Variants in B3GALT1 observed in about 807,000 individuals in gnomAD.
The protein encoded by B3GALT1 is beta-1,3-galactosyltransferase 1.
Under a neutral mutation model 23.2 loss-of-function variants are expected in B3GALT1, and 10 were observed. The observed-to-expected ratio is 0.43, with a 90% CI of 0.27 to 0.73. The LOEUF (loss-of-function observed/expected upper bound fraction) is 0.73, where lower values mean the gene tolerates loss of function less well. B3GALT1 is among the 30% of genes least tolerant of loss of function. The pLI is 0.21. For synonymous variants in B3GALT1, 156 were observed against 141.5 expected (o/e 1.10, Z -0.73); for missense variants, 299 against 405.4 (o/e 0.74, Z 2.25).
intron 3 of B3GALT1, among the ~76,000 whole-genome samples, chr2:167,801,336 T>A (rs1688635146): frequency 1.3e-5 from 2 of 152,182 alleles, no homozygotes; most frequent in South Asian, 2.1e-4. Context: ...AGAAAAAAAA[T>A]GTGAATCTTC....
chr2:167,370,904 C>T (rs749215007), intron 1 of B3GALT1, among the ~76,000 whole-genome samples: 11 of 152,058 alleles, frequency 7.2e-5, no homozygotes, highest in East Asian at 1.9e-4. Flanking sequence ...CCAGCCTGGG[C>T]GACAGTGCGA....
intron 1 of B3GALT1, among the ~76,000 whole-genome samples, chr2:167,309,747 G>A (rs1284193125): frequency 2.0e-5 from 3 of 151,954 alleles, no homozygotes; most frequent in Admixed American, 6.6e-5. Flanking sequence ...ATACATATTT[G>A]ACAAAGTTAA....
At chr2:167,393,000 C>T (rs530325763) in intron 1 of B3GALT1, among the ~76,000 whole-genome samples, 7 of 151,986 alleles carry the variant, frequency 4.6e-5, no homozygotes, top group South Asian at 4.2e-4. Flanking sequence ...TTTGGGAGGC[C>T]GAGGCGGGTG....
intron 2 of B3GALT1, among the ~76,000 whole-genome samples, chr2:167,633,817 C>T (rs1685502236): frequency 6.6e-6 from 1 of 152,038 alleles, no homozygotes; most frequent in South Asian, 2.1e-4. Flanking sequence ...ATATTCAGGA[C>T]TTGAACTCAG....
intron 1 of B3GALT1, among the ~76,000 whole-genome samples, chr2:167,374,957 TA>T (rs1437055715): frequency 1.3e-5 from 2 of 152,156 alleles, no homozygotes; most frequent in African/African-American, 4.8e-5. Flanking sequence ...CTAGAATTCT[TA>T]TAGTTTGAGG....
chr2:167,413,523 C>T (rs1436096036), intron 1 of B3GALT1, among the ~76,000 whole-genome samples: 2 of 151,792 alleles, frequency 1.3e-5, no homozygotes, highest in African/African-American at 4.8e-5. Context: ...TCAGTTAATC[C>T]TATATATTTT....
intron 2 of B3GALT1, among the ~76,000 whole-genome samples, chr2:167,527,609 T>C (rs1683243929): frequency 6.6e-6 from 1 of 152,164 alleles, no homozygotes; most frequent in Non-Finnish European, 1.5e-5. Flanking sequence ...AAACTTTATT[T>C]TCAAACTTGT....
chr2:167,558,534 A>G (rs924068127), intron 2 of B3GALT1, among the ~76,000 whole-genome samples: 1 of 152,232 alleles, frequency 6.6e-6, no homozygotes, highest in Admixed American at 6.5e-5. Flanking sequence ...AGAAGGGGTC[A>G]GGGAGTTCCC....
At chr2:167,690,292 A>G (rs1049706446) in intron 3 of B3GALT1, among the ~76,000 whole-genome samples, 3 of 152,082 alleles carry the variant, frequency 2.0e-5, no homozygotes, top group African/African-American at 7.2e-5. Context: ...ACTATAAAAT[A>G]TAAATGCTAA....
intron 3 of B3GALT1, among the ~76,000 whole-genome samples, chr2:167,807,823 T>C (rs1427406794): frequency 6.6e-6 from 1 of 152,240 alleles, no homozygotes. Context: ...TGTAGATATC[T>C]ATTAGGTCTG....
At chr2:167,787,993 T>C (rs1688371366) in intron 3 of B3GALT1, among the ~76,000 whole-genome samples, 1 of 152,160 alleles carries the variant, frequency 6.6e-6, no homozygotes, top group South Asian at 2.1e-4. Flanking sequence ...AGGTTGGACC[T>C]TGCTGTCTTA....
intron 3 of B3GALT1, among the ~76,000 whole-genome samples, chr2:167,771,521 A>G (rs1419492642): frequency 6.6e-6 from 1 of 152,246 alleles, no homozygotes; most frequent in Non-Finnish European, 1.5e-5. Flanking sequence ...CAGTGAGCCG[A>G]GATCGCGCCA....
intron 3 of B3GALT1, among the ~76,000 whole-genome samples, chr2:167,724,428 T>A (rs1264873361): frequency 6.6e-6 from 1 of 152,204 alleles, no homozygotes; most frequent in Non-Finnish European, 1.5e-5. Context: ...CTTTAAGCTA[T>A]TATTAAAGGA....
At chr2:167,565,579 A>C (rs1206975404) in intron 2 of B3GALT1, among the ~76,000 whole-genome samples, 2 of 152,226 alleles carry the variant, frequency 1.3e-5, no homozygotes, top group African/African-American at 2.4e-5. Context: ...CAACCTACAA[A>C]ATGGGAGACA....
chr2:167,685,828 G>A (rs1686609833), intron 3 of B3GALT1, among the ~76,000 whole-genome samples: 1 of 152,178 alleles, frequency 6.6e-6, no homozygotes, highest in Non-Finnish European at 1.5e-5. Context: ...TTAGAGGAAG[G>A]AGCCGAAAGG....
In B3GALT1 at chr2:167,541,740, A is replaced by G. The variant is rs139684630; in HGVS notation, c.-410+51463A>G. ...GTCCTCCATGAATACCTTTCAGCTC[A>G]CCCCAAACTCCCAACAGTGGCCACA... On this transcript the variant is annotated intron_variant, in intron 2 of 4. Coordinates refer to ENST00000392690, the MANE Select transcript of B3GALT1 (RefSeq NM_020981.4). Among the ~76,000 whole-genome samples, 836 of 152,186 alleles carry G rather than the reference A, an allele frequency of 5.5e-3. 11 individuals carry two copies. Among genetic ancestry groups the G allele is most frequent in the African/African-American group, 0.019 (798 of 41,520 alleles).
At chr2:167,341,488 C>A (rs113385984) in intron 1 of B3GALT1, among the ~76,000 whole-genome samples, 2,505 of 152,136 alleles carry the variant, frequency 0.016, 56 homozygotes, top group East Asian at 0.082. Flanking sequence ...GTGGCGAAAC[C>A]CTGTCTCTAC....
chr2:167,411,377 CCAAA>C (rs1698388394), intron 1 of B3GALT1, among the ~76,000 whole-genome samples: 1 of 11,804 alleles, frequency 8.5e-5, no homozygotes, highest in African/African-American at 2.0e-4. Context: ...AAACAAAAAA[CCAAA>C]AAAAAAAAAA....
intron 1 of B3GALT1, among the ~76,000 whole-genome samples, chr2:167,394,091 C>T (rs1300016388): frequency 6.6e-6 from 1 of 152,082 alleles, no homozygotes; most frequent in Non-Finnish European, 1.5e-5. Context: ...TGAAATTAAT[C>T]CAAAGTATGT....
Sources: allele counts gnomAD v4.1 joint callset (sites outside exome capture counted in the v4.1 genomes callset), GRCh38; gene constraint gnomAD v4.1.1; transcripts MANE v1.5; gene names NCBI Gene and HGNC (gene_info 2026-07-23, HGNC 2026-07-21).